RMDN2: variants seen among roughly 807,000 people sequenced by gnomAD.
RMDN2 encodes regulator of microtubule dynamics 2.
A neutral mutation model predicts 52.8 loss-of-function variants in RMDN2; 61 were observed. The ratio of observed to expected loss-of-function variants is 1.16; its 90% CI spans 0.94 to 1.43. RMDN2 has a LOEUF of 1.43. Among genes scored for constraint, RMDN2 ranks in the 40% most tolerant of loss-of-function variants. The pLI is 0.00. For missense variants in RMDN2, 592 were observed against 475.3 expected (o/e 1.25, Z -2.28); for synonymous variants, 180 against 153.1 (o/e 1.18, Z -1.30).
intron 2 of RMDN2, among the ~76,000 whole-genome samples, chr2:37,946,501 G>A (rs1200000601): frequency 6.6e-6 from 1 of 152,198 alleles, no homozygotes; most frequent in African/African-American, 2.4e-5. Flanking sequence ...GGTGTTCCCA[G>A]TGCTTTGCAC....
chr2:37,938,622 G>C (rs1226184190), intron 2 of RMDN2, among the ~76,000 whole-genome samples: 1 of 152,134 alleles, frequency 6.6e-6, no homozygotes. Flanking sequence ...TTTAGTCTTG[G>C]GAGGGTGTAT....
At chr2:37,997,686 C>G (rs1156336912) in intron 8 of RMDN2, 172 bp downstream of exon 8, 2 of 581,816 alleles carry the variant, frequency 3.4e-6, no homozygotes, top group East Asian at 5.8e-5. Flanking sequence ...TGTTTTAAGT[C>G]TAAACTCCTT....
At position 38,036,050 on chromosome 2, in the gene RMDN2, C is replaced by G. The variant is rs571170686; in HGVS notation, c.1714-30932C>G. On this transcript the variant is annotated intron_variant, in intron 10 of 10. Transcript: ENST00000234195. ...TAGAAAAAAAAAAAGATAAGAGGAA[C>G]TAAATAGCCTCGCTGGGCACATACT... The G allele has an allele frequency of 2.0e-5, 3 of 151,970 alleles. No individual in the cohort carries two copies. The South Asian group carries it at 6.2e-4, about 32-fold the overall frequency. 9.4% of individuals were successfully genotyped at this position (151,970 alleles called of 1,614,324 possible).
intron 10 of RMDN2, among the ~76,000 whole-genome samples, chr2:38,010,094 G>A (rs568670799): frequency 9.2e-5 from 14 of 152,134 alleles, no homozygotes; most frequent in African/African-American, 1.2e-4. Context: ...AGGAGTACCC[G>A]GGCATCTGAG....
intron 8 of RMDN2, among the ~76,000 whole-genome samples, chr2:37,999,465 C>G (rs1408264554): frequency 2.0e-5 from 3 of 152,118 alleles, no homozygotes; most frequent in Non-Finnish European, 4.4e-5. Context: ...TTGGGGAGCC[C>G]CGCATTAGGT....
intron 2 of RMDN2, among the ~76,000 whole-genome samples, chr2:37,938,253 T>A (rs1667478359): frequency 6.6e-6 from 1 of 152,218 alleles, no homozygotes; most frequent in Non-Finnish European, 1.5e-5. Context: ...GGCAACTTGA[T>A]CATGGTGGAT....
chr2:37,986,475 A>G (rs1674032488), intron 5 of RMDN2, among the ~76,000 whole-genome samples: 1 of 152,124 alleles, frequency 6.6e-6, no homozygotes, highest in South Asian at 2.1e-4. Flanking sequence ...AACATCAGAC[A>G]CTGGAAGGAA....
chr2:38,062,608 A>AT (rs199625481), intron 10 of RMDN2, among the ~76,000 whole-genome samples: 10 of 151,064 alleles, frequency 6.6e-5, no homozygotes, highest in South Asian at 2.1e-4. Flanking sequence ...ATACTGTAGC[A>AT]TTTTTTTTTA....
downstream of RMDN2, among the ~76,000 whole-genome samples, chr2:38,021,339 G>T (rs1394569149): frequency 1.3e-5 from 2 of 152,206 alleles, no homozygotes; most frequent in African/African-American, 4.8e-5. Flanking sequence ...GGCCAGAGAA[G>T]AGAATAAAAG....
chr2:37,953,021 A>G lies in RMDN2; in HGVS notation c.453-21019A>G, dbSNP rs114916733. The G allele has an allele frequency of 2.1e-3, 323 of 152,142 alleles. 2 individuals are homozygous for G. Among genetic ancestry groups the G allele is most frequent in the African/African-American group, 7.5e-3 (310 of 41,566 alleles). 9.4% of individuals were successfully genotyped at this position (152,142 alleles called of 1,614,324 possible). A position where few individuals can be genotyped will look rare whatever the true frequency, so the allele number is the denominator to read the frequency against. On this transcript the variant is annotated intron_variant, in intron 2 of 10. Transcript: ENST00000354545. The stretch of plus-strand genomic sequence containing the variant: ...TTGAAAACATTTAAGTTAGAATACA[A>G]TTAGATTTTGTAGAGGAAAGGAATT...
At chr2:38,036,982 A>G (rs1356206356) in intron 10 of RMDN2, among the ~76,000 whole-genome samples, 3 of 152,170 alleles carry the variant, frequency 2.0e-5, no homozygotes, top group African/African-American at 7.2e-5. Flanking sequence ...AAGAGCAAAG[A>G]ACATGGGAAA....
intron 2 of RMDN2, among the ~76,000 whole-genome samples, chr2:37,943,981 A>C (rs373825069): frequency 1.3e-5 from 2 of 152,172 alleles, no homozygotes; most frequent in Non-Finnish European, 2.9e-5. Context: ...AGGTGTCTGC[A>C]TATTTTGTGT....
intron 10 of RMDN2, among the ~76,000 whole-genome samples, chr2:38,011,388 A>G (rs1263089718): frequency 6.6e-6 from 1 of 152,214 alleles, no homozygotes; most frequent in African/African-American, 2.4e-5. Context: ...TGTGGGAACA[A>G]CAACAAAAAA....
chr2:37,980,461 G>A (rs1249381628), intron 4 of RMDN2, among the ~76,000 whole-genome samples: 1 of 151,972 alleles, frequency 6.6e-6, no homozygotes, highest in Non-Finnish European at 1.5e-5. Context: ...GCACCACCAC[G>A]CCCAGCTAAT....
intron 10 of RMDN2, among the ~76,000 whole-genome samples, chr2:38,040,166 G>C (rs1214827490): frequency 2.0e-5 from 3 of 151,612 alleles, no homozygotes; most frequent in African/African-American, 7.3e-5. Context: ...ATTTGTCAAA[G>C]ATCAGTTGAC....
chr2:38,037,451 A>G (rs1048753800), intron 10 of RMDN2, among the ~76,000 whole-genome samples: 1 of 152,252 alleles, frequency 6.6e-6, no homozygotes, highest in Non-Finnish European at 1.5e-5. Context: ...AAACATCTGC[A>G]GAGACAGGCT....
intron 10 of RMDN2, among the ~76,000 whole-genome samples, chr2:38,047,692 A>T (rs751117737): frequency 1.7e-4 from 26 of 152,148 alleles, no homozygotes; most frequent in Non-Finnish European, 3.4e-4. Flanking sequence ...TTTCTATGTA[A>T]ATGGAAAAAA....
chr2:37,927,515 G>T (rs1001774081), intron 1 of RMDN2, among the ~76,000 whole-genome samples: 2 of 152,206 alleles, frequency 1.3e-5, no homozygotes, highest in Non-Finnish European at 2.9e-5. Context: ...TTCCTAGGTA[G>T]ATTTTTACTT....
intron 1 of RMDN2, among the ~76,000 whole-genome samples, chr2:37,928,513 C>A (rs1202476107): frequency 6.6e-6 from 1 of 152,182 alleles, no homozygotes; most frequent in Admixed American, 6.5e-5. Context: ...ATTCACACTC[C>A]CAGCTATTTA....
Sources: allele counts gnomAD v4.1 joint callset (sites outside exome capture counted in the v4.1 genomes callset), GRCh38; gene constraint gnomAD v4.1.1; transcripts MANE v1.5; gene names NCBI Gene and HGNC (gene_info 2026-07-23, HGNC 2026-07-21).